The following ANO4 variants were observed in gnomAD, a reference collection of about 807,000 sequenced individuals.
ANO4 encodes the protein anoctamin 4.
A neutral mutation model predicts 141.9 loss-of-function variants in ANO4; 69 were observed. The observed-to-expected ratio is 0.49, with a 90% CI of 0.40 to 0.59. The LOEUF (loss-of-function observed/expected upper bound fraction) is 0.59. Ranked by LOEUF, ANO4 falls within the 20% of genes least tolerant of loss-of-function variation. ANO4 has a pLI of 0.00. For missense variants in ANO4, 894 were observed against 1,162.2 expected (o/e 0.77, Z 3.36); for synonymous variants, 350 against 394.3 (o/e 0.89, Z 1.33).
At chr12:100,914,349 T>G (rs2041242557) in intron 2 of ANO4, among the ~76,000 whole-genome samples, 1 of 152,240 alleles carries the variant, frequency 6.6e-6, no homozygotes, top group Non-Finnish European at 1.5e-5. Flanking sequence ...AGTAAAGAAC[T>G]TGGCCATTAG....
At position 100,959,752 on chromosome 12, in the gene ANO4, A is replaced by G. The variant is rs150565658; in HGVS notation, c.457-11554A>G. ...TTCCTTCTTCATTGGCTCTTTCTCAATCCCCTTTGCTCACCTTCTCTTCTG... is the reference window on the plus strand; with the variant it reads ...TTCCTTCTTCATTGGCTCTTTCTCAGTCCCCTTTGCTCACCTTCTCTTCTG... On this transcript the variant is annotated intron_variant, in intron 5 of 27. Coordinates refer to ENST00000392977, the MANE Select transcript of ANO4 (RefSeq NM_001286615.2). 1.3e-3 allele frequency among the ~76,000 whole-genome samples: 194 copies of G among 151,916 alleles called. 1 individual carries two copies. Among genetic ancestry groups the G allele is most frequent in the African/African-American group, 4.3e-3 (178 of 41,448 alleles).
At chr12:100,853,145 A>AAGG (rs2037970877) in intron 1 of ANO4, among the ~76,000 whole-genome samples, 1 of 152,132 alleles carries the variant, frequency 6.6e-6, no homozygotes, top group South Asian at 2.1e-4. Context: ...CTTAATTATA[A>AAGG]TCTTTTTATA....
At chr12:100,924,271 T>C (rs546363147) in intron 3 of ANO4, among the ~76,000 whole-genome samples, 2 of 152,262 alleles carry the variant, frequency 1.3e-5, no homozygotes, top group East Asian at 3.9e-4. Flanking sequence ...TTATGCTTTT[T>C]AGTTATCCCC....
At chr12:100,998,086 A>G (rs2045469917) in intron 8 of ANO4, among the ~76,000 whole-genome samples, 1 of 152,190 alleles carries the variant, frequency 6.6e-6, no homozygotes. Flanking sequence ...GCCAAAATAG[A>G]TTAACATTTG....
At chr12:100,985,860 A>G (rs1015686317) in intron 7 of ANO4, among the ~76,000 whole-genome samples, 1 of 152,198 alleles carries the variant, frequency 6.6e-6, no homozygotes, top group Non-Finnish European at 1.5e-5. Context: ...AAATAATATT[A>G]TCTTCAGCTG....
rs34416390 is a variant in ANO4 at position 101,066,997 on chromosome 12, CAAAAAA to C, written c.1313-12181_1313-12176del. ...ATGTACCCTAGAACTTAAAGTATAACAAAAAAAAAAAAAAAAAAAAGAAAGAACAGA... is the reference window on the plus strand; with the variant it reads ...ATGTACCCTAGAACTTAAAGTATAACAAAAAAAAAAAAAAGAAAGAACAGA... On this transcript the variant is annotated intron_variant, in intron 14 of 27. Transcript: ENST00000392977. 1.6e-3 allele frequency: 291 copies of C among 181,470 alleles called. 1 individual carries two copies. The highest frequency in any genetic ancestry group is 6.3e-3 in the African/African-American group (159 of 25,142). 11.2% of individuals were successfully genotyped at this position (181,470 alleles called of 1,614,324 possible). A position where few individuals can be genotyped will look rare whatever the true frequency, so the allele number is the denominator to read the frequency against.
intron 3 of ANO4, among the ~76,000 whole-genome samples, chr12:100,754,711 T>C: frequency 6.6e-6 from 1 of 152,230 alleles, no homozygotes; most frequent in South Asian, 2.1e-4. Flanking sequence ...GTATAATATA[T>C]TATACAATGG....
chr12:101,074,078 T>C (rs146897356), intron 14 of ANO4, among the ~76,000 whole-genome samples: 5 of 152,324 alleles, frequency 3.3e-5, no homozygotes, highest in African/African-American at 1.2e-4. Context: ...TTCATCTTCA[T>C]GCCTTCAATG....
chr12:100,898,829 A>AGAGTGCAT (rs1421683130), intron 1 of ANO4, among the ~76,000 whole-genome samples: 1 of 152,218 alleles, frequency 6.6e-6, no homozygotes, highest in Non-Finnish European at 1.5e-5. Context: ...TTGCAGACTG[A>AGAGTGCAT]GAGTGCATGT....
rs1444420489 is a variant in ANO4 at position 100,896,877 on chromosome 12, C to G, written c.-140-4769C>G. On this transcript the variant is annotated intron_variant, in intron 1 of 27. Transcript: ENST00000392977. ...GATGGCAGCTAACTTGTACTGAGCACCCATTATGCTGGACATTGCCATAAG... is the reference window on the plus strand; with the variant it reads ...GATGGCAGCTAACTTGTACTGAGCAGCCATTATGCTGGACATTGCCATAAG... Among the ~76,000 whole-genome samples the G allele has an allele frequency of 4.6e-5, 7 of 152,254 alleles. No homozygotes were observed. In the East Asian group the frequency reaches 1.4e-3, roughly 29 times the overall value.
chr12:100,730,870 G>A (rs534976332), intron 1 of ANO4, among the ~76,000 whole-genome samples: 13 of 152,266 alleles, frequency 8.5e-5, no homozygotes, highest in Admixed American at 4.6e-4. Context: ...CTTTCTGTTT[G>A]TGAATGTGCA....
intron 9 of ANO4, among the ~76,000 whole-genome samples, chr12:101,021,569 G>T (rs571810780): frequency 6.6e-6 from 1 of 152,300 alleles, no homozygotes; most frequent in African/African-American, 2.4e-5. Context: ...TAGCCCAGAT[G>T]ACCTGCTCAT....
At chr12:100,902,895 C>G (rs2136034139) in intron 2 of ANO4, among the ~76,000 whole-genome samples, 1 of 152,312 alleles carries the variant, frequency 6.6e-6, no homozygotes, top group South Asian at 2.1e-4. Flanking sequence ...TCTTCTGAAG[C>G]TTCCTCAGGA....
intron 14 of ANO4, among the ~76,000 whole-genome samples, chr12:101,070,686 T>G (rs7968746): frequency 0.45 from 68,781 of 151,828 alleles, 16,166 homozygotes; most frequent in African/African-American, 0.59. Context: ...AAGTTAAAAA[T>G]CTTCTACACA....
chr12:100,930,470 T>G (rs534265123), intron 3 of ANO4, among the ~76,000 whole-genome samples: 1 of 152,268 alleles, frequency 6.6e-6, no homozygotes, highest in South Asian at 2.1e-4. Context: ...CTTGGCACCA[T>G]TGTCAAAAAT....
At chr12:100,937,022 T>C (rs1252664681) in intron 3 of ANO4, among the ~76,000 whole-genome samples, 1 of 152,172 alleles carries the variant, frequency 6.6e-6, no homozygotes, top group African/African-American at 2.4e-5. Context: ...TTTAATTTAA[T>C]CACTGTCTGC....
At chr12:101,119,921 C>T (rs768245001) in intron 25 of ANO4, among the ~76,000 whole-genome samples, 17 of 152,014 alleles carry the variant, frequency 1.1e-4, no homozygotes, top group Admixed American at 2.0e-4. Flanking sequence ...CATTTTATGC[C>T]GACTCAAAAG....
chr12:100,887,237 T>C (rs929035819), intron 1 of ANO4, among the ~76,000 whole-genome samples: 1 of 152,210 alleles, frequency 6.6e-6, no homozygotes, highest in Non-Finnish European at 1.5e-5. Flanking sequence ...TAAGAAATAA[T>C]ATTCCTAAGC....
intron 8 of ANO4, among the ~76,000 whole-genome samples, chr12:101,001,664 G>A (rs955712547): frequency 7.2e-5 from 11 of 152,088 alleles, no homozygotes; most frequent in African/African-American, 2.2e-4. Context: ...TGTTATTTCC[G>A]TTTAGAGAAA....
Sources: allele counts gnomAD v4.1 joint callset (sites outside exome capture counted in the v4.1 genomes callset), GRCh38; gene constraint gnomAD v4.1.1; transcripts MANE v1.5; gene names NCBI Gene and HGNC (gene_info 2026-07-23, HGNC 2026-07-21).